GNB1L: variants seen among roughly 807,000 people sequenced by gnomAD.
GNB1L encodes the protein guanine nucleotide-binding protein subunit beta-like protein 1.
GNB1L carries 20 observed loss-of-function variants against 29.1 expected under a neutral mutation model. The ratio of observed to expected loss-of-function variants is 0.69; its 90% confidence interval spans 0.48 to 1.00. The LOEUF (loss-of-function observed/expected upper bound fraction) is 1.00, where lower values mean the gene tolerates loss of function less well. Among genes scored for constraint, GNB1L ranks in the 50% least tolerant of loss-of-function variants. The pLI is 0.00. For synonymous variants in GNB1L, 193 were observed against 206.5 expected, an observed-to-expected ratio of 0.93 and a Z score of 0.56; for missense variants, 421 against 464.9, an observed-to-expected ratio of 0.91 and a Z score of 0.87.
chr22:19,851,403 G>C (rs779149275), intron 2 of GNB1L: 1 of 1,614,140 alleles, frequency 6.2e-7, no homozygotes, highest in Non-Finnish European at 8.5e-7. Flanking sequence ...GAAGAGGCTG[G>C]TTCCACAGGA....
chr22:19,830,253 A>G (rs1937661069), intron 2 of GNB1L, among the ~76,000 whole-genome samples: 1 of 152,150 alleles, frequency 6.6e-6, no homozygotes, highest in African/African-American at 2.4e-5. Flanking sequence ...ATACGATGGT[A>G]TACATGGAAA....
intron 2 of GNB1L, among the ~76,000 whole-genome samples, chr22:19,841,352 T>C (rs2145896888): frequency 6.6e-6 from 1 of 152,370 alleles, no homozygotes; most frequent in East Asian, 1.9e-4. Flanking sequence ...TACACTAATG[T>C]ATTATGAAAC....
At chr22:19,824,348 G>C (rs1220740144) in intron 2 of GNB1L, among the ~76,000 whole-genome samples, 1 of 152,170 alleles carries the variant, frequency 6.6e-6, no homozygotes, top group Non-Finnish European at 1.5e-5. Context: ...CCGCCCTTGC[G>C]CAAGGCCCGT....
chr22:19,837,582 C>A (rs1937787316), intron 2 of GNB1L, among the ~76,000 whole-genome samples: 2 of 152,210 alleles, frequency 1.3e-5, no homozygotes. Flanking sequence ...AAAAGACTGA[C>A]CATTCCAGTT....
chr22:19,853,727 G>T (rs964336545), intron 2 of GNB1L, among the ~76,000 whole-genome samples: 2 of 151,980 alleles, frequency 1.3e-5, no homozygotes, highest in African/African-American at 2.4e-5. Flanking sequence ...CTGGGGGGGG[G>T]GTCTTCACCT....
intron 2 of GNB1L, among the ~76,000 whole-genome samples, chr22:19,843,342 G>A (rs1379902567): frequency 6.6e-6 from 1 of 152,280 alleles, no homozygotes; most frequent in Non-Finnish European, 1.5e-5. Context: ...GAAGCGCCCA[G>A]GCGGGCAGGG....
intron 7 of GNB1L, chr22:19,792,253 T>C: frequency 3.1e-6 from 2 of 638,302 alleles, no homozygotes; most frequent in Non-Finnish European, 5.5e-6. Context: ...ACTCCTTAAC[T>C]ATGTTCAAAA....
At chr22:19,853,916 C>T (rs1456800181) in intron 2 of GNB1L, among the ~76,000 whole-genome samples, 4 of 152,210 alleles carry the variant, frequency 2.6e-5, no homozygotes, top group Non-Finnish European at 1.5e-5. Flanking sequence ...AATGACCACA[C>T]CCCATGCCCG....
intron 2 of GNB1L, among the ~76,000 whole-genome samples, chr22:19,836,913 T>C (rs917468854): frequency 6.6e-6 from 1 of 151,230 alleles, no homozygotes; most frequent in South Asian, 2.1e-4. Flanking sequence ...ATCCATAAGA[T>C]AAAAAACACA....
In GNB1L at chr22:19,802,132, A is replaced by G. The variant is rs760127944; in HGVS notation, c.601T>C (p.Cys201Arg). 1.9e-6 allele frequency: 3 copies of G among 1,613,246 alleles called. No individual in the cohort carries two copies. Among genetic ancestry groups the G allele is most frequent in the South Asian group, 1.1e-5 (1 of 91,086 alleles). Residue 201 changes from cysteine to arginine, a missense_variant, in exon 7 of 8, where the codon TGC becomes CGC. Transcript: ENST00000329517. Reference protein sequence around the residue: ...VLWDVSEQKVCSRIACHEEPV... With the variant: ...VLWDVSEQKVRSRIACHEEPV... ...TCCTCATGGCAGGCGATGCGGCTGC[A>G]CACCTTCTGCTCAGAGACGTCCCAC...
intron 7 of GNB1L, among the ~76,000 whole-genome samples, chr22:19,798,500 C>G (rs1937332561): frequency 6.6e-6 from 1 of 152,150 alleles, no homozygotes; most frequent in Non-Finnish European, 1.5e-5. Flanking sequence ...CAGGTCCTTC[C>G]CAGGGAGAAA....
chr22:19,807,690 C>A (rs1327954973), intron 5 of GNB1L, among the ~76,000 whole-genome samples: 1 of 152,352 alleles, frequency 6.6e-6, no homozygotes, highest in East Asian at 1.9e-4. Flanking sequence ...GGAGTCCAAG[C>A]CCCTGAGGCT....
At chr22:19,831,082 T>A (rs1937672410) in intron 2 of GNB1L, among the ~76,000 whole-genome samples, 1 of 152,176 alleles carries the variant, frequency 6.6e-6, no homozygotes. Flanking sequence ...TGGAAAAGGT[T>A]TGTCATGACT....
At chr22:19,800,899 G>A (rs1937362546) in intron 7 of GNB1L, among the ~76,000 whole-genome samples, 1 of 152,224 alleles carries the variant, frequency 6.6e-6, no homozygotes, top group Non-Finnish European at 1.5e-5. Context: ...TCAGGGGTGG[G>A]CCTGACGGAC....
intron 2 of GNB1L, among the ~76,000 whole-genome samples, chr22:19,839,186 GAGA>G (rs1285257048): frequency 1.3e-5 from 2 of 152,204 alleles, no homozygotes; most frequent in African/African-American, 4.8e-5. Flanking sequence ...TTGAGAGAAT[GAGA>G]AGTTTTCTGT....
chr22:19,823,017 G>A (rs1157441213), intron 2 of GNB1L, among the ~76,000 whole-genome samples: 1 of 152,204 alleles, frequency 6.6e-6, no homozygotes, highest in African/African-American at 2.4e-5. Flanking sequence ...GGGCGGCATG[G>A]GGGAGGGCAG....
At chr22:19,841,392 ATTTCTATCTC>A (rs1163277091) in intron 2 of GNB1L, among the ~76,000 whole-genome samples, 2 of 152,130 alleles carry the variant, frequency 1.3e-5, no homozygotes, top group African/African-American at 2.4e-5. Flanking sequence ...TTTGGAGTCA[ATTTCTATCTC>A]TACTCAAGGT....
intron 4 of GNB1L, 60 bp from the exon 5 acceptor site, chr22:19,812,507 C>T: frequency 6.7e-7 from 1 of 1,481,492 alleles, no homozygotes; most frequent in Non-Finnish European, 9.2e-7. Flanking sequence ...GCTCCCATGG[C>T]CCCTGCAGCG....
chr22:19,826,008 C>T (rs1012718140), intron 2 of GNB1L, among the ~76,000 whole-genome samples: 2 of 151,914 alleles, frequency 1.3e-5, no homozygotes, highest in Non-Finnish European at 2.9e-5. Context: ...ACTAAGTTGA[C>T]AAAAAAAAGT....
Sources: allele counts gnomAD v4.1 joint callset (sites outside exome capture counted in the v4.1 genomes callset), GRCh38; gene constraint gnomAD v4.1.1; transcripts MANE v1.5; gene names NCBI Gene and HGNC (gene_info 2026-07-23, HGNC 2026-07-21).